ACSF2: variants seen among roughly 807,000 people sequenced by gnomAD.
The protein encoded by ACSF2 is acyl-CoA synthetase family member 2, also known as medium-chain acyl-CoA ligase ACSF2, mitochondrial.
Under a neutral mutation model 79.3 loss-of-function variants are expected in ACSF2, and 52 were observed. The observed-to-expected ratio is 0.66, with a 90% confidence interval of 0.53 to 0.83. The LOEUF (loss-of-function observed/expected upper bound fraction) is 0.83. Ranked by LOEUF, ACSF2 falls within the 40% of genes least tolerant of loss-of-function variation. ACSF2 has a pLI of 0.00. For missense variants in ACSF2, 661 were observed against 803.3 expected, an observed-to-expected ratio of 0.82 and a Z score of 2.14; for synonymous variants, 283 against 312.6, an observed-to-expected ratio of 0.91 and a Z score of 1.00.
chr17:50,469,050 C>T (rs961374829), intron 10 of ACSF2: 2 of 1,307,378 alleles, frequency 1.5e-6, no homozygotes, highest in Non-Finnish European at 1.9e-6. Context: ...AGCCGGCTAC[C>T]GTGCATGAGG....
chr17:50,448,581 A>C, intron 1 of ACSF2, among the ~76,000 whole-genome samples: 1 of 152,246 alleles, frequency 6.6e-6, no homozygotes, highest in African/African-American at 2.4e-5. Flanking sequence ...GCAATGAGGA[A>C]TATGTATGCC....
chr17:50,435,027 C>T (rs1202398003), intron 1 of ACSF2, among the ~76,000 whole-genome samples: 5 of 152,226 alleles, frequency 3.3e-5, no homozygotes, highest in Admixed American at 6.5e-5. Flanking sequence ...TGTGCCACCA[C>T]GCCTGACTTA....
rs1555611949 is a variant in ACSF2 at position 50,464,770 on chromosome 17, G to GT, written c.1215+476_1215+477insT. 336 of 163,354 alleles carry GT rather than the reference G, an allele frequency of 2.1e-3. 16 individuals are homozygous for GT. The African/African-American group carries it at 0.023, about 11-fold the overall frequency. 10.1% of individuals were successfully genotyped at this position (163,354 alleles called of 1,614,324 possible). A position where few individuals can be genotyped will look rare whatever the true frequency, so the allele number is the denominator to read the frequency against. On this transcript the variant is annotated intron_variant, in intron 10 of 15. Transcript: ENST00000300441. ...AACCTGTTGTGGTTCTGATTGACTT[G>GT]GGGGGGGGGTCTCAGCAACAGCTTC...
chr17:50,469,008 C>T, intron 10 of ACSF2: 1 of 1,356,940 alleles, frequency 7.4e-7, no homozygotes, highest in Non-Finnish European at 9.4e-7. Context: ...CGCCCCCGCC[C>T]TCCACGGGGA....
rs1414480584 is a variant in ACSF2, at chr17:50,471,959, G to T, written c.1324-469G>T. Among the ~76,000 whole-genome samples the T allele has an allele frequency of 6.6e-6, 1 of 152,188 alleles. No homozygotes were observed. The highest frequency in any genetic ancestry group is 1.5e-5 in the Non-Finnish European group (1 of 68,038). On this transcript the variant is annotated intron_variant, in intron 11 of 15. Coordinates refer to ENST00000300441, the MANE Select transcript of ACSF2 (RefSeq NM_025149.6). This position sits in a 1 kb window ranked among gnomAD's most constrained non-coding sequence, Gnocchi z 4.1. ...GACACAGACACTGAGGCACACAGAG[G>T]CTCAGCTTTCCTTGGCACGGTGGCC...
At chr17:50,468,598 C>T in intron 10 of ACSF2, 2 of 1,614,230 alleles carry the variant, frequency 1.2e-6, no homozygotes, top group Non-Finnish European at 1.7e-6. Flanking sequence ...TCGGCATGGC[C>T]CGGAACGAAT....
At chr17:50,426,805 C>A in intron 1 of ACSF2, 2 of 1,262,342 alleles carry the variant, frequency 1.6e-6, no homozygotes, top group South Asian at 1.3e-5. Context: ...CCGACCCAGG[C>A]CACTAAACTT....
chr17:50,431,369 A>G (rs2029909585), intron 1 of ACSF2, among the ~76,000 whole-genome samples: 1 of 152,238 alleles, frequency 6.6e-6, no homozygotes. Context: ...GATTCAAGGC[A>G]GAAAGTTTGC....
Position 50,464,757 on chromosome 17 carries a change from T to C in ACSF2, c.1215+463T>C, listed in dbSNP as rs1444103259. The C allele has an allele frequency of 2.7e-5, 8 of 291,462 alleles. No individual in the cohort carries two copies. The East Asian group carries it at 6.7e-4, about 25-fold the overall frequency. The allele number at this position is 291,462 out of a possible 1,614,324, so 18.1% of individuals were successfully genotyped here. Reference sequence around the variant, plus strand: ...CATCCTGATGACCAACCTGTTGTGGTTCTGATTGACTTGGGGGGGGGGTCT... The same window carrying C: ...CATCCTGATGACCAACCTGTTGTGGCTCTGATTGACTTGGGGGGGGGGTCT... On this transcript the variant is annotated intron_variant, in intron 10 of 15. Transcript: ENST00000300441.
intron 1 of ACSF2, among the ~76,000 whole-genome samples, chr17:50,426,669 T>G (rs369027080): frequency 2.6e-5 from 4 of 151,762 alleles, no homozygotes; most frequent in Admixed American, 2.0e-4. Context: ...GGGCAAGGAG[T>G]GTGGGCTTTA....
rs143349111 is a variant in ACSF2 at position 50,464,352 on chromosome 17, G to T, written c.1215+58G>T. ...GGCCAGGCCTGGGATGACAGCAGAT[G>T]GACAGACATGGGGATGAGTCCAGGC... On this transcript the variant is annotated intron_variant, in intron 10 of 15. Transcript: ENST00000300441. 7.3e-4 allele frequency: 1,104 copies of T among 1,519,788 alleles called. 10 individuals are homozygous for T. The African/African-American group carries it at 0.012, about 17-fold the overall frequency. The allele number at this position is 1,519,788 out of a possible 1,614,324, so 94.1% of individuals were successfully genotyped here.
intron 10 of ACSF2, chr17:50,464,921 G>A (rs541560582): frequency 5.8e-6 from 2 of 347,104 alleles, no homozygotes; most frequent in South Asian, 2.4e-5. Flanking sequence ...CTGCCAGGAC[G>A]TGTCTAGGTG....
chr17:50,464,194 G>C (rs369628645), intron 9 of ACSF2, 24 bp from the exon 10 acceptor site: 3 of 1,612,530 alleles, frequency 1.9e-6, no homozygotes, highest in Non-Finnish European at 2.5e-6. Flanking sequence ...TTGGGGAGCT[G>C]TGTCAGCCCT....
At chr17:50,440,599 A>G (rs1392350568) in intron 1 of ACSF2, among the ~76,000 whole-genome samples, 1 of 152,182 alleles carries the variant, frequency 6.6e-6, no homozygotes, top group Admixed American at 6.5e-5. Flanking sequence ...GAACTGTGCA[A>G]TCCTTTGTGC....
At chr17:50,447,680 T>C (rs1010296246) in intron 1 of ACSF2, among the ~76,000 whole-genome samples, 17 of 152,186 alleles carry the variant, frequency 1.1e-4, no homozygotes, top group African/African-American at 3.1e-4. Context: ...ACAAATCTCA[T>C]AGGGAATACA....
At chr17:50,431,649 CA>C (rs2029935855) in intron 1 of ACSF2, among the ~76,000 whole-genome samples, 1 of 152,040 alleles carries the variant, frequency 6.6e-6, no homozygotes, top group African/African-American at 2.4e-5. Flanking sequence ...CAAGTGCCAC[CA>C]TACCCAGATC....
intron 1 of ACSF2, chr17:50,460,076 G>A (rs537600256): frequency 4.9e-4 from 181 of 371,104 alleles, no homozygotes; most frequent in African/African-American, 3.6e-3. Flanking sequence ...AGGTGCCCAG[G>A]ATCTTTAGCA....
chr17:50,472,510 T>G lies in ACSF2; in HGVS notation c.1406T>G (p.Met469Arg). Residue 469 changes from methionine to arginine, a missense_variant, in exon 12 of 16, where the codon ATG becomes AGG. Physicochemically the swap from Met to Arg is moderately conservative, Grantham distance 91. Coordinates refer to ENST00000300441, the MANE Select transcript of ACSF2 (RefSeq NM_025149.6). The part of the protein sequence containing the change: ...GELCIRGYCV[M>R]LGYWGEPQKT... The stretch of plus-strand genomic sequence containing the variant: ...CTGTGCATCCGAGGGTACTGCGTCA[T>G]GCTGGGCTACTGGGGTGAGCCTCAG... The G allele has an allele frequency of 6.2e-7, 1 of 1,613,014 alleles. No individual in the cohort carries two copies.
rs998700263 is a variant in ACSF2 at position 50,427,987 on chromosome 17, T to C, written c.128+1598T>C. On this transcript the variant is annotated intron_variant, in intron 1 of 15. Transcript: ENST00000300441. ...TGCCTGCACCCTTATTGTCTGACTG[T>C]GATGGTTTTACCTGATTTCTCTCCT... Among the ~76,000 whole-genome samples the C allele has an allele frequency of 2.0e-5, 3 of 152,180 alleles. No individual in the cohort carries two copies. In the East Asian group the frequency reaches 5.8e-4, roughly 29 times the overall value.
Sources: gnomAD v4.1 joint callset for allele counts (sites outside exome capture counted in the v4.1 genomes callset) on GRCh38, gnomAD v4.1.1 for gene constraint, Gnocchi (gnomAD v3.1) non-coding constraint, MANE v1.5 for transcripts, NCBI Gene and HGNC (gene_info 2026-07-23, HGNC 2026-07-21) for gene names.